Variants in DOK6 observed in about 807,000 individuals in gnomAD.
The protein encoded by DOK6 is downstream of tyrosine kinase 6.
A neutral mutation model predicts 44.0 loss-of-function variants in DOK6; 22 were observed. The observed-to-expected ratio is 0.50, with a 90% CI of 0.36 to 0.71. The LOEUF is 0.71. DOK6 is among the 30% of genes least tolerant of loss of function. The pLI, the probability that DOK6 is intolerant of heterozygous loss-of-function variation, is 0.00. For missense variants in DOK6, 340 were observed against 416.4 expected (o/e 0.82, Z 1.60); for synonymous variants, 166 against 145.5 (o/e 1.14, Z -1.01).
chr18:69,501,391 G>A (rs1981046088), intron 1 of DOK6, among the ~76,000 whole-genome samples: 1 of 152,072 alleles, frequency 6.6e-6, no homozygotes, highest in Admixed American at 6.6e-5. Flanking sequence ...CTATATGTTG[G>A]AACCCAATAT....
chr18:69,760,507 G>A (rs1979515076), intron 7 of DOK6, among the ~76,000 whole-genome samples: 1 of 151,970 alleles, frequency 6.6e-6, no homozygotes, highest in Non-Finnish European at 1.5e-5. Context: ...CAGGCGCCTT[G>A]AGAAACCAAG....
At chr18:69,427,058 A>G (rs356010) in intron 1 of DOK6, among the ~76,000 whole-genome samples, 150,847 of 152,186 alleles carry the variant, frequency 0.99, 74,776 homozygotes, top group Middle Eastern at 1. Flanking sequence ...ATGTGTTCTC[A>G]TTATTTACCT....
chr18:69,426,466 A>T (rs1009284436), intron 1 of DOK6, among the ~76,000 whole-genome samples: 1 of 152,198 alleles, frequency 6.6e-6, no homozygotes, highest in African/African-American at 2.4e-5. Context: ...TTGAAATGGG[A>T]TCTCAAAAGG....
At chr18:69,595,624 T>C (rs1983722591) in intron 2 of DOK6, among the ~76,000 whole-genome samples, 1 of 152,176 alleles carries the variant, frequency 6.6e-6, no homozygotes, top group South Asian at 2.1e-4. Context: ...TTTGCTTCAA[T>C]TTTAGCAGAA....
chr18:69,472,285 G>T (rs1980134874), intron 1 of DOK6, among the ~76,000 whole-genome samples: 2 of 152,166 alleles, frequency 1.3e-5, no homozygotes, highest in South Asian at 2.1e-4. Context: ...CCCGGGCAAG[G>T]TAAGGTGACT....
At chr18:69,522,926 T>C (rs1365764198) in intron 1 of DOK6, among the ~76,000 whole-genome samples, 3 of 152,228 alleles carry the variant, frequency 2.0e-5, no homozygotes, top group African/African-American at 2.4e-5. Context: ...TCAAAGTGTG[T>C]CTTTTTCTGG....
intron 2 of DOK6, among the ~76,000 whole-genome samples, chr18:69,576,199 A>C (rs1983234354): frequency 6.6e-6 from 1 of 152,062 alleles, no homozygotes; most frequent in South Asian, 2.1e-4. Flanking sequence ...ATTAATGGCC[A>C]GTCCAAATAT....
chr18:69,675,066 C>A (rs564208567), intron 3 of DOK6, among the ~76,000 whole-genome samples: 4 of 152,256 alleles, frequency 2.6e-5, no homozygotes, highest in African/African-American at 7.2e-5. Flanking sequence ...TACTAAAATG[C>A]TGAAGCACTG....
At chr18:69,452,409 T>G (rs183066131) in intron 1 of DOK6, among the ~76,000 whole-genome samples, 7 of 129,178 alleles carry the variant, frequency 5.4e-5, no homozygotes, top group African/African-American at 2.1e-4. Flanking sequence ...GCTGAAATTG[T>G]GGCAATAATC....
chr18:69,417,674 C>T (rs1368187894), intron 1 of DOK6, among the ~76,000 whole-genome samples: 1 of 151,812 alleles, frequency 6.6e-6, no homozygotes, highest in Non-Finnish European at 1.5e-5. Flanking sequence ...TTATTTCCAT[C>T]AACAGTGTGC....
intron 7 of DOK6, among the ~76,000 whole-genome samples, chr18:69,764,687 T>C (rs1158852270): frequency 6.6e-6 from 1 of 152,222 alleles, no homozygotes; most frequent in Non-Finnish European, 1.5e-5. Flanking sequence ...TGTTTCATAA[T>C]AGCAGCTTGA....
chr18:69,712,045 G>A (rs1222622390), intron 5 of DOK6, among the ~76,000 whole-genome samples: 1 of 151,590 alleles, frequency 6.6e-6, no homozygotes, highest in Non-Finnish European at 1.5e-5. Flanking sequence ...ACTTTGGGAG[G>A]CCGAGGCGGG....
At chr18:69,708,600 C>T (rs1986688241) in intron 5 of DOK6, among the ~76,000 whole-genome samples, 1 of 152,036 alleles carries the variant, frequency 6.6e-6, no homozygotes, top group African/African-American at 2.4e-5. Context: ...GCCTGACCAA[C>T]ATGGTGAAAT....
rs563059367 is a variant in DOK6 at position 69,805,171 on chromosome 18, G to C, written c.857-36073G>C. The stretch of plus-strand genomic sequence containing the variant: ...TCAGGAACTGCACAGCACAAAAAGA[G>C]ATAAGCTCCTGCATTTATGGTTTAT... On this transcript the variant is annotated intron_variant, in intron 7 of 7. Transcript: ENST00000382713. Among the ~76,000 whole-genome samples the C allele has an allele frequency of 2.0e-5, 3 of 152,296 alleles. No individual in the cohort carries two copies. In the East Asian group the frequency reaches 5.8e-4, roughly 29 times the overall value.
intron 1 of DOK6, among the ~76,000 whole-genome samples, chr18:69,429,564 T>C (rs1460608973): frequency 8.3e-6 from 1 of 120,782 alleles, no homozygotes; most frequent in Non-Finnish European, 1.7e-5. Flanking sequence ...TTACATTTAA[T>C]ACAAACAACA....
At chr18:69,556,912 CACG>C (rs1982701506) in intron 1 of DOK6, among the ~76,000 whole-genome samples, 1 of 152,180 alleles carries the variant, frequency 6.6e-6, no homozygotes, top group African/African-American at 2.4e-5. Flanking sequence ...TAGTACTACA[CACG>C]TTTTGTCAAA....
intron 5 of DOK6, among the ~76,000 whole-genome samples, chr18:69,706,273 T>C (rs1018604548): frequency 1.3e-5 from 2 of 152,156 alleles, no homozygotes; most frequent in East Asian, 1.9e-4. Context: ...CAGATTTACA[T>C]GTCAAAGGCA....
At chr18:69,574,354 T>C (rs1019618472) in intron 2 of DOK6, among the ~76,000 whole-genome samples, 1 of 152,062 alleles carries the variant, frequency 6.6e-6, no homozygotes, top group Admixed American at 6.6e-5. Context: ...TTTGAAATTT[T>C]ACAATCTGAT....
intron 4 of DOK6, among the ~76,000 whole-genome samples, chr18:69,689,472 A>T (rs953100274): frequency 8.5e-5 from 13 of 152,244 alleles, no homozygotes; most frequent in Non-Finnish European, 1.8e-4. Context: ...GAATTCTCAC[A>T]ATCAGGAAAA....
Sources: gnomAD v4.1 joint callset for allele counts (sites outside exome capture counted in the v4.1 genomes callset) on GRCh38, gnomAD v4.1.1 for gene constraint, MANE v1.5 for transcripts, NCBI Gene and HGNC (gene_info 2026-07-23, HGNC 2026-07-21) for gene names.